Variants in PDE4D observed in about 807,000 individuals in gnomAD.
PDE4D encodes 3',5'-cyclic-AMP phosphodiesterase 4D.
Under a neutral mutation model 87.4 loss-of-function variants are expected in PDE4D, and 24 were observed. The ratio of observed to expected loss-of-function variants is 0.27; its 90% CI spans 0.20 to 0.39. PDE4D has a LOEUF of 0.39. Among genes scored for constraint, PDE4D ranks in the 10% least tolerant of loss-of-function variants. The pLI is 1.00. For synonymous variants in PDE4D, 384 were observed against 383.2 expected (o/e 1.00, Z -0.02); for missense variants, 714 against 1,041.0 (o/e 0.69, Z 4.32).
intron 3 of PDE4D, among the ~76,000 whole-genome samples, chr5:59,923,245 T>C (rs530396913): frequency 1.3e-5 from 2 of 152,322 alleles, no homozygotes; most frequent in East Asian, 3.9e-4. Context: ...CTGGCTCCCA[T>C]ATGGCATCTC....
intron 2 of PDE4D, among the ~76,000 whole-genome samples, chr5:60,001,370 G>A (rs1763996723): frequency 6.6e-6 from 1 of 152,062 alleles, no homozygotes; most frequent in Non-Finnish European, 1.5e-5. Flanking sequence ...AAAGAAAAAA[G>A]CCTGTCAAAT....
intron 1 of PDE4D, among the ~76,000 whole-genome samples, chr5:60,329,211 A>G (rs1757085447): frequency 6.6e-6 from 1 of 152,172 alleles, no homozygotes; most frequent in Admixed American, 6.5e-5. Context: ...CCCATGTGTC[A>G]TGAGAGGGAC....
rs1004109533 is a variant in PDE4D at position 59,070,398 on chromosome 5, A to G, written c.809-31427T>C. On this transcript the variant is annotated intron_variant, in intron 5 of 14. Coordinates refer to ENST00000340635, the MANE Select transcript of PDE4D (RefSeq NM_001104631.2). ...ACTCCCCAGAGGGTACCCATTTTCAAATATTTTAGCTGATTCATTTGCTAT... is the reference window on the plus strand; with the variant it reads ...ACTCCCCAGAGGGTACCCATTTTCAGATATTTTAGCTGATTCATTTGCTAT... Among the ~76,000 whole-genome samples the G allele has an allele frequency of 4.6e-5, 7 of 152,264 alleles. No individual in the cohort carries two copies. The East Asian group carries it at 5.8e-4, about 13-fold the overall frequency.
chr5:60,411,462 T>C (rs1742036897), intron 1 of PDE4D, among the ~76,000 whole-genome samples: 1 of 151,722 alleles, frequency 6.6e-6, no homozygotes, highest in Admixed American at 6.5e-5. Flanking sequence ...AAGTATCACA[T>C]AAGTGTTAGC....
At chr5:59,532,918 C>A (rs1814497976) in intron 1 of PDE4D, among the ~76,000 whole-genome samples, 2 of 152,158 alleles carry the variant, frequency 1.3e-5, no homozygotes, top group Non-Finnish European at 2.9e-5. Flanking sequence ...CTAGTCCAGG[C>A]TCTTTTTGAC....
At chr5:59,654,176 G>C (rs896518211) in intron 1 of PDE4D, among the ~76,000 whole-genome samples, 4 of 152,144 alleles carry the variant, frequency 2.6e-5, no homozygotes, top group South Asian at 4.1e-4. Context: ...ACTGAACTCA[G>C]CTTGGGCAAC....
At chr5:59,154,106 G>C (rs769482652) in intron 5 of PDE4D, among the ~76,000 whole-genome samples, 45 of 152,156 alleles carry the variant, frequency 3.0e-4, no homozygotes, top group Non-Finnish European at 7.3e-5. Flanking sequence ...CCACACGAAA[G>C]AGATCTGATT....
At chr5:59,282,697 A>T (rs1168062524) in intron 1 of PDE4D, among the ~76,000 whole-genome samples, 2 of 151,702 alleles carry the variant, frequency 1.3e-5, no homozygotes, top group Non-Finnish European at 2.9e-5. Context: ...TCAAAAATAA[A>T]TGAACACAAG....
At chr5:60,517,354 G>A (rs1447347646) in intron 1 of PDE4D, among the ~76,000 whole-genome samples, 1 of 152,192 alleles carries the variant, frequency 6.6e-6, no homozygotes, top group Non-Finnish European at 1.5e-5. Context: ...GACAGAAAGG[G>A]GCAGTTTCCG....
chr5:59,914,540 G>A lies in PDE4D; in HGVS notation c.272+73948C>T, dbSNP rs202182547. 3.8e-4 allele frequency among the ~76,000 whole-genome samples: 19 copies of A among 49,590 alleles called. No individual in the cohort carries two copies. In the East Asian group the frequency reaches 0.013, roughly 33 times the overall value. 32.5% of individuals were successfully genotyped at this position (49,590 alleles called of 152,430 possible). A position where few individuals can be genotyped will look rare whatever the true frequency, so the allele number is the denominator to read the frequency against. ...AAGACAAAGCCAGGAAGATGTATGT[G>A]TGTGTGTGTGTGTGTGTGTGTGTGC... is the stretch of plus-strand genomic sequence containing the variant. On this transcript the variant is annotated intron_variant, in intron 3 of 16. Coordinates refer to the PDE4D transcript ENST00000502484.
At chr5:60,191,963 G>T (rs1388406020) in intron 1 of PDE4D, among the ~76,000 whole-genome samples, 1 of 152,152 alleles carries the variant, frequency 6.6e-6, no homozygotes, top group Non-Finnish European at 1.5e-5. Flanking sequence ...TTGCACCATT[G>T]CACTCCAGGC....
intron 1 of PDE4D, among the ~76,000 whole-genome samples, chr5:60,271,057 T>C (rs1750758849): frequency 6.6e-6 from 1 of 152,210 alleles, no homozygotes. Context: ...ACTATTATTT[T>C]CTATAGCCAC....
chr5:60,482,373 C>T (rs1482532740), intron 1 of PDE4D, among the ~76,000 whole-genome samples: 1 of 152,146 alleles, frequency 6.6e-6, no homozygotes, highest in Non-Finnish European at 1.5e-5. Flanking sequence ...TACTTTGTTA[C>T]AGCAGCCTGA....
intron 4 of PDE4D, 109 bp from the exon 5 acceptor site, chr5:59,180,753 G>A: frequency 9.7e-7 from 1 of 1,027,700 alleles, no homozygotes. Context: ...TTATTTTTAA[G>A]TTTGGACACG....
intron 5 of PDE4D, among the ~76,000 whole-genome samples, chr5:59,134,379 C>G (rs759734729): frequency 6.6e-6 from 1 of 151,704 alleles, no homozygotes; most frequent in Non-Finnish European, 1.5e-5. Context: ...CCTTTGAGAA[C>G]AAACCATCAT....
intron 1 of PDE4D, chr5:59,560,780 T>A (rs1390576658): frequency 6.6e-6 from 1 of 152,178 alleles, no homozygotes; most frequent in Admixed American, 6.5e-5. Context: ...AATAAATTCA[T>A]TGTTTCTGGA....
At chr5:59,079,334 T>G (rs1484525861) in intron 5 of PDE4D, among the ~76,000 whole-genome samples, 1 of 152,122 alleles carries the variant, frequency 6.6e-6, no homozygotes, top group Non-Finnish European at 1.5e-5. Flanking sequence ...AGAGAAAAAT[T>G]AGAGAAAATT....
At chr5:60,115,240 T>C (rs1778059891) in intron 2 of PDE4D, among the ~76,000 whole-genome samples, 1 of 152,144 alleles carries the variant, frequency 6.6e-6, no homozygotes, top group Admixed American at 6.6e-5. Context: ...GTCACCGTCC[T>C]TTAATTGATC....
intron 5 of PDE4D, among the ~76,000 whole-genome samples, chr5:59,051,722 G>A (rs1389918837): frequency 6.6e-6 from 1 of 152,156 alleles, no homozygotes; most frequent in African/African-American, 2.4e-5. Flanking sequence ...ATTTTAGAAT[G>A]CATTTTTCAC....
Sources: allele counts gnomAD v4.1 joint callset (sites outside exome capture counted in the v4.1 genomes callset), GRCh38; gene constraint gnomAD v4.1.1; transcripts MANE v1.5; gene names NCBI Gene and HGNC (gene_info 2026-07-23, HGNC 2026-07-21).